RBFOX3: variants seen among roughly 807,000 people sequenced by gnomAD.
The protein encoded by RBFOX3 is RNA binding protein fox-1 homolog 3.
RBFOX3 carries 17 observed loss-of-function variants against 48.7 expected under a neutral mutation model. The ratio of observed to expected loss-of-function variants is 0.35; its 90% CI spans 0.24 to 0.52. The LOEUF (loss-of-function observed/expected upper bound fraction) is 0.52, where lower values mean the gene tolerates loss of function less well. Among genes scored for constraint, RBFOX3 ranks in the 20% least tolerant of loss-of-function variants. The probability of loss-of-function intolerance (pLI) is 0.94; values close to 1 mark genes in which losing one functional copy is unlikely to be tolerated. For missense variants in RBFOX3, 382 were observed against 497.5 expected, an observed-to-expected ratio of 0.77 and a Z score of 2.21; for synonymous variants, 212 against 209.5, an observed-to-expected ratio of 1.01 and a Z score of -0.10.
chr17:79,207,303 G>C (rs888713356), intron 4 of RBFOX3, among the ~76,000 whole-genome samples: 2 of 152,360 alleles, frequency 1.3e-5, no homozygotes, highest in South Asian at 2.1e-4. Context: ...CACCAGGACA[G>C]GTACAGAGTT....
At chr17:79,213,862 A>G (rs1600041238) in intron 4 of RBFOX3, among the ~76,000 whole-genome samples, 1 of 152,302 alleles carries the variant, frequency 6.6e-6, no homozygotes, top group Non-Finnish European at 1.5e-5. Context: ...CACTCCATGC[A>G]CAAGCCCAGA....
At chr17:79,219,915 GGCCC>G (rs1194175786) in intron 4 of RBFOX3, among the ~76,000 whole-genome samples, 3 of 151,926 alleles carry the variant, frequency 2.0e-5, no homozygotes, top group African/African-American at 7.2e-5. Context: ...CTGGAGGCTG[GGCCC>G]AGCCCCCTGT....
At chr17:79,102,683 T>C (rs1371677611) in intron 8 of RBFOX3, among the ~76,000 whole-genome samples, 2 of 152,204 alleles carry the variant, frequency 1.3e-5, no homozygotes, top group Non-Finnish European at 2.9e-5. Flanking sequence ...TTGCCACTGC[T>C]GCCTCTGCTT....
chr17:79,300,466 T>C (rs1004799354), intron 3 of RBFOX3, among the ~76,000 whole-genome samples: 2 of 152,192 alleles, frequency 1.3e-5, no homozygotes, highest in African/African-American at 4.8e-5. Flanking sequence ...ATCTCTTTGA[T>C]TTCTTAATAA....
intron 2 of RBFOX3, among the ~76,000 whole-genome samples, chr17:79,441,267 C>T (rs1188554736): frequency 2.0e-5 from 3 of 152,244 alleles, no homozygotes; most frequent in South Asian, 2.1e-4. Flanking sequence ...TGCCTCCTTC[C>T]TCCCGGAGCC....
At chr17:79,216,804 T>C (rs1339836069) in intron 4 of RBFOX3, among the ~76,000 whole-genome samples, 1 of 150,604 alleles carries the variant, frequency 6.6e-6, no homozygotes, top group African/African-American at 2.4e-5. Context: ...CAGAGAGACT[T>C]GGTGACTTGT....
At chr17:79,411,845 G>A (rs1223932788) in intron 2 of RBFOX3, among the ~76,000 whole-genome samples, 1 of 152,234 alleles carries the variant, frequency 6.6e-6, no homozygotes, top group East Asian at 1.9e-4. Context: ...CTCATACTGG[G>A]GCCAATTAAA....
intron 4 of RBFOX3, among the ~76,000 whole-genome samples, chr17:79,170,480 TG>T (rs1487429199): frequency 6.6e-6 from 1 of 151,888 alleles, no homozygotes; most frequent in African/African-American, 2.4e-5. Flanking sequence ...TCTTGAGGGC[TG>T]GGGGGGCAAG....
At chr17:79,112,402 G>A (rs534011600) in intron 5 of RBFOX3, among the ~76,000 whole-genome samples, 2 of 152,298 alleles carry the variant, frequency 1.3e-5, no homozygotes, top group South Asian at 4.1e-4. Flanking sequence ...CCCACCAATT[G>A]CTGGCTGGAA....
chr17:79,384,048 C>T (rs1296076411), intron 2 of RBFOX3, among the ~76,000 whole-genome samples: 3 of 152,262 alleles, frequency 2.0e-5, no homozygotes, highest in Non-Finnish European at 2.9e-5. Flanking sequence ...GGAGGCAAAG[C>T]GGGACTCGTG....
the RBFOX3 span, among the ~76,000 whole-genome samples, chr17:79,635,495 G>C: frequency 6.6e-6 from 1 of 152,188 alleles, no homozygotes; most frequent in Admixed American, 6.5e-5. Context: ...CTGAGAGAAA[G>C]TCACTTTCAC....
intron 4 of RBFOX3, among the ~76,000 whole-genome samples, chr17:79,226,391 T>C (rs2060314351): frequency 6.6e-6 from 1 of 152,176 alleles, no homozygotes; most frequent in South Asian, 2.1e-4. Flanking sequence ...TGTCTAAAGA[T>C]GGACCTCATG....
rs2612807 is a variant in RBFOX3 at position 79,195,966 on chromosome 17, A to G, written c.-34+39800T>C. On this transcript the variant is annotated intron_variant, in intron 4 of 14. Transcript: ENST00000693108. This position sits in a 1 kb window ranked among gnomAD's most constrained non-coding sequence, Gnocchi z 5.3. ...TGGCGATAATTATCATCATCAGAAC[A>G]CCCTGGACAAATTGGATCTCAGGCA... is the stretch of plus-strand genomic sequence containing the variant. 0.76 allele frequency among the ~76,000 whole-genome samples: 115,601 copies of G among 152,044 alleles called. 44,859 individuals carry two copies. The highest frequency in any genetic ancestry group is 0.84 in the Non-Finnish European group (57,368 of 68,000).
At chr17:79,117,654 C>T (rs1047640098) in intron 4 of RBFOX3, among the ~76,000 whole-genome samples, 1 of 152,178 alleles carries the variant, frequency 6.6e-6, no homozygotes, top group Non-Finnish European at 1.5e-5. Context: ...TCTGGCATGT[C>T]CACCTCTGTC....
At chr17:79,230,094 G>A (rs1444963498) in intron 4 of RBFOX3, among the ~76,000 whole-genome samples, 1 of 152,138 alleles carries the variant, frequency 6.6e-6, no homozygotes, top group Non-Finnish European at 1.5e-5. Context: ...TCTCACTGGG[G>A]GCAAGGGGGG....
chr17:79,514,466 C>T (rs1446433901), intron 1 of RBFOX3, among the ~76,000 whole-genome samples: 1 of 152,262 alleles, frequency 6.6e-6, no homozygotes, highest in African/African-American at 2.4e-5. Context: ...GTCACGGGTG[C>T]GTGGCCTCAC....
At chr17:79,400,608 G>A (rs2062668283) in intron 2 of RBFOX3, among the ~76,000 whole-genome samples, 1 of 148,398 alleles carries the variant, frequency 6.7e-6, no homozygotes, top group South Asian at 2.2e-4. Flanking sequence ...GGTGGGTGAA[G>A]TGAGTTCACG....
intron 3 of RBFOX3, among the ~76,000 whole-genome samples, chr17:79,251,060 C>T (rs1383417926): frequency 6.6e-6 from 1 of 152,086 alleles, no homozygotes; most frequent in Admixed American, 6.5e-5. Context: ...GCCTCTGCCT[C>T]CCAAAGTGCT....
At chr17:79,153,218 GT>G (rs1467392083) in intron 4 of RBFOX3, among the ~76,000 whole-genome samples, 2 of 152,204 alleles carry the variant, frequency 1.3e-5, no homozygotes, top group East Asian at 3.9e-4. Flanking sequence ...CTGGGGGTGG[GT>G]GGCGGACACA....
Sources: allele counts gnomAD v4.1 joint callset (sites outside exome capture counted in the v4.1 genomes callset), GRCh38; gene constraint gnomAD v4.1.1; non-coding constraint Gnocchi (gnomAD v3.1); transcripts MANE v1.5; gene names NCBI Gene and HGNC (gene_info 2026-07-23, HGNC 2026-07-21).